The following MERTK variants were observed in gnomAD, a reference collection of about 807,000 sequenced individuals.
MERTK encodes the protein MER proto-oncogene, tyrosine kinase.
In MERTK, 69 loss-of-function variants were observed where a neutral mutation model predicts 99.3. The observed-to-expected ratio is 0.70, with a 90% CI of 0.57 to 0.85. The LOEUF (loss-of-function observed/expected upper bound fraction) is 0.85, where lower values mean the gene tolerates loss of function less well. MERTK is among the 40% of genes least tolerant of loss of function. MERTK has a pLI of 0.00. For missense variants in MERTK, 1,125 were observed against 1,249.4 expected (o/e 0.90, Z 1.50); for synonymous variants, 426 against 467.6 (o/e 0.91, Z 1.15).
At chr2:112,028,182 A>C in intron 18 of MERTK, 169 bp from the exon 19 acceptor site, 1 of 726,714 alleles carries the variant, frequency 1.4e-6, no homozygotes, top group Non-Finnish European at 2.3e-6. Context: ...TGGAACATTT[A>C]CAAAAGTTGT....
chr2:111,954,979 T>C (rs575920159), intron 4 of MERTK, among the ~76,000 whole-genome samples: 2 of 152,282 alleles, frequency 1.3e-5, no homozygotes, highest in Admixed American at 1.3e-4. Flanking sequence ...CAGTAATTCA[T>C]GTATGAGGAA....
At chr2:111,984,013 C>A (rs1676423291) in intron 8 of MERTK, among the ~76,000 whole-genome samples, 1 of 152,160 alleles carries the variant, frequency 6.6e-6, no homozygotes, top group Non-Finnish European at 1.5e-5. Context: ...TTGACTCATG[C>A]AATTACAGAG....
At chr2:111,937,582 T>C (rs1302998217) in intron 2 of MERTK, among the ~76,000 whole-genome samples, 1 of 152,182 alleles carries the variant, frequency 6.6e-6, no homozygotes, top group Non-Finnish European at 1.5e-5. Flanking sequence ...ATGGGCTCTC[T>C]GTGCTGGGCT....
At chr2:111,988,620 C>T (rs1676542663) in intron 8 of MERTK, among the ~76,000 whole-genome samples, 1 of 152,182 alleles carries the variant, frequency 6.6e-6, no homozygotes, top group South Asian at 2.1e-4. Flanking sequence ...AGATCGTGTA[C>T]TATGTGTTTT....
At chr2:112,007,376 G>A (rs1227225059) in intron 13 of MERTK, among the ~76,000 whole-genome samples, 4 of 152,064 alleles carry the variant, frequency 2.6e-5, no homozygotes, top group African/African-American at 9.7e-5. Context: ...GGATGGTCTC[G>A]ATCTCCTGAC....
At chr2:111,928,932 G>A (rs1684617926) in intron 1 of MERTK, among the ~76,000 whole-genome samples, 188 bp from the exon 2 acceptor site, 1 of 152,168 alleles carries the variant, frequency 6.6e-6, no homozygotes, top group Non-Finnish European at 1.5e-5. Context: ...TTCCAGAGGC[G>A]AGTTTACAAA....
intron 1 of MERTK, among the ~76,000 whole-genome samples, chr2:111,904,486 C>T (rs763049756): frequency 5.9e-5 from 9 of 151,732 alleles, no homozygotes; most frequent in Non-Finnish European, 8.8e-5. Context: ...AAGCAATTCT[C>T]TGCCTCAGCC....
chr2:111,942,917 A>G (rs761014806), intron 2 of MERTK, among the ~76,000 whole-genome samples: 9 of 152,228 alleles, frequency 5.9e-5, no homozygotes, highest in Non-Finnish European at 1.2e-4. Context: ...TCACAGGCCA[A>G]TGAGGATCTG....
At chr2:111,941,067 A>C in intron 2 of MERTK, 1 of 450,722 alleles carries the variant, frequency 2.2e-6, no homozygotes, top group Non-Finnish European at 4.2e-6. Flanking sequence ...TTTGGCTTTT[A>C]CTCTTTTACT....
chr2:111,911,727 T>C (rs918972696), intron 1 of MERTK, among the ~76,000 whole-genome samples: 5 of 146,302 alleles, frequency 3.4e-5, no homozygotes, highest in Non-Finnish European at 6.0e-5. Flanking sequence ...GAGTTGGCTG[T>C]TGCCCAGGCT....
intron 7 of MERTK, among the ~76,000 whole-genome samples, chr2:111,978,512 T>C (rs906690392): frequency 6.6e-6 from 1 of 152,146 alleles, no homozygotes; most frequent in African/African-American, 2.4e-5. Context: ...CCCAGGCTGC[T>C]CTCAAACTCC....
intron 1 of MERTK, among the ~76,000 whole-genome samples, chr2:111,923,066 A>G (rs144059828): frequency 6.5e-4 from 99 of 152,216 alleles, no homozygotes; most frequent in African/African-American, 2.3e-3. Flanking sequence ...CCTTGCCTGG[A>G]CCACCTCTCT....
At chr2:111,995,562 T>G (rs1268548787) in intron 9 of MERTK, 2 of 188,516 alleles carry the variant, frequency 1.1e-5, no homozygotes, top group Admixed American at 8.5e-5. Context: ...TGGAACCATA[T>G]TACGTTCTTG....
At chr2:111,993,081 A>G (rs908685207) in intron 8 of MERTK, among the ~76,000 whole-genome samples, 1 of 152,036 alleles carries the variant, frequency 6.6e-6, no homozygotes, top group African/African-American at 2.4e-5. Context: ...GGTAGGGAAA[A>G]ATTCTCATAC....
At chr2:111,993,799 G>A (rs374601503) in intron 8 of MERTK, among the ~76,000 whole-genome samples, 10 of 152,280 alleles carry the variant, frequency 6.6e-5, no homozygotes, top group African/African-American at 2.2e-4. Flanking sequence ...GTAGATTTTA[G>A]TCAAAATTCT....
intron 1 of MERTK, among the ~76,000 whole-genome samples, chr2:111,925,292 A>ATATATATATATATATTT (rs372747015): frequency 4.1e-5 from 1 of 24,500 alleles, no homozygotes; most frequent in Non-Finnish European, 7.3e-5. Context: ...ATATATATAT[A>ATATATATATATATATTT]TTTTTTTTTT....
At chr2:111,900,646 A>C (rs1684025864) in intron 1 of MERTK, among the ~76,000 whole-genome samples, 2 of 152,030 alleles carry the variant, frequency 1.3e-5, no homozygotes, top group African/African-American at 4.8e-5. Context: ...AATCATAAAA[A>C]GGCCTTTTAA....
At chr2:111,925,835 A>ATT (rs11354849) in intron 1 of MERTK, among the ~76,000 whole-genome samples, 2 of 145,702 alleles carry the variant, frequency 1.4e-5, no homozygotes, top group African/African-American at 5.1e-5. Context: ...ATTTTTTTTA[A>ATT]TTTTTTTTTT....
intron 1 of MERTK, among the ~76,000 whole-genome samples, chr2:111,904,013 G>T (rs1684092624): frequency 6.6e-6 from 1 of 152,036 alleles, no homozygotes; most frequent in Admixed American, 6.6e-5. Flanking sequence ...TTGGTGAAGG[G>T]GCCCTCCGGT....
Sources: gnomAD v4.1 joint callset for allele counts (sites outside exome capture counted in the v4.1 genomes callset) on GRCh38, gnomAD v4.1.1 for gene constraint, MANE v1.5 for transcripts, NCBI Gene and HGNC (gene_info 2026-07-23, HGNC 2026-07-21) for gene names.